Variants in HORMAD1 observed in about 807,000 individuals in gnomAD.
HORMAD1 encodes HORMA domain-containing protein 1.
HORMAD1 carries 33 observed loss-of-function variants against 58.2 expected under a neutral mutation model. The ratio of observed to expected loss-of-function variants is 0.57; its 90% CI spans 0.43 to 0.76. HORMAD1 has a LOEUF of 0.76. Ranked by LOEUF, HORMAD1 falls within the 30% of genes least tolerant of loss-of-function variation. The pLI is 0.00. For synonymous variants in HORMAD1, 137 were observed against 144.6 expected (o/e 0.95, Z 0.38); for missense variants, 363 against 462.0 (o/e 0.79, Z 1.96).
At chr1:150,717,748 G>A (rs11204712) in intron 2 of HORMAD1, among the ~76,000 whole-genome samples, 59,478 of 151,908 alleles carry the variant, frequency 0.39, 13,310 homozygotes, top group Non-Finnish European at 0.5. Context: ...CTGGCCAAAT[G>A]GTGAAACCCT....
intron 6 of HORMAD1, 97 bp downstream of exon 6, chr1:150,711,736 A>G: frequency 1.1e-6 from 1 of 948,460 alleles, no homozygotes; most frequent in Non-Finnish European, 1.7e-6. Flanking sequence ...TATTTGAATA[A>G]TGTGACATAA....
In HORMAD1 at chr1:150,711,867, A is replaced by C; in HGVS notation, c.280-14T>G. 6.5e-7 allele frequency: 1 copy of C among 1,537,868 alleles called. No homozygotes were observed. Among genetic ancestry groups the C allele is most frequent in the African/African-American group, 1.4e-5 (1 of 73,380 alleles). On this transcript the variant is annotated splice_polypyrimidine_tract_variant and intron_variant, in intron 5 of 14. Transcript: ENST00000361824. ...AACCATCCTTAGCTGAAATACAACA[A>C]AGAACAAAAATCTTACTTGTAGTCT...
intron 2 of HORMAD1, 21 bp from the exon 3 acceptor site, chr1:150,717,303 G>A (rs1483794550): frequency 7.1e-7 from 1 of 1,413,970 alleles, no homozygotes; most frequent in Non-Finnish European, 9.5e-7. Flanking sequence ...AGGGAAAGTA[G>A]AACACTTTAT....
At position 150,704,423 on chromosome 1, in the gene HORMAD1, A is replaced by T. The variant is rs943529781; in HGVS notation, c.805-80T>A. 3.0e-5 allele frequency: 27 copies of T among 907,226 alleles called. 1 individual carries two copies. In the South Asian group the frequency reaches 3.5e-4, roughly 12 times the overall value. The allele number at this position is 907,226 out of a possible 1,614,324, so 56.2% of individuals were successfully genotyped here. A position where few individuals can be genotyped will look rare whatever the true frequency, so the allele number is the denominator to read the frequency against. ...ACTGAGCAGAAAGCATTTATGAACA[A>T]ATTTGTTTCATGTGAAGGCTAAATA... On this transcript the variant is annotated intron_variant, in intron 10 of 14. Transcript: ENST00000361824.
chr1:150,709,782 C>G (rs1434060063), intron 7 of HORMAD1, among the ~76,000 whole-genome samples: 3 of 151,760 alleles, frequency 2.0e-5, no homozygotes, highest in East Asian at 3.9e-4. Flanking sequence ...TGAGATAGGA[C>G]AAAAACCGCC....
intron 2 of HORMAD1, among the ~76,000 whole-genome samples, chr1:150,718,866 A>G (rs1408780151): frequency 6.6e-6 from 1 of 152,228 alleles, no homozygotes; most frequent in Non-Finnish European, 1.5e-5. Flanking sequence ...GCTATGAACA[A>G]TAATTTCATC....
At position 150,706,737 on chromosome 1, in the gene HORMAD1, G is replaced by T; in HGVS notation, c.620C>A (p.Pro207His). The change falls in exon 10 of 15, where the codon CCT becomes CAT. Residue 207 changes from proline (P) to histidine (H), a missense_variant. By Grantham distance (77) the Pro-to-His change is moderately conservative. Transcript: ENST00000361824. ...GACTTCTCCCACATTTAAATACATAGGTTCCCCTTCAAATATAACTCCTTC... is the reference window on the plus strand; with the variant it reads ...GACTTCTCCCACATTTAAATACATATGTTCCCCTTCAAATATAACTCCTTC... Reference protein sequence around the residue: ...DCEGVIFEGEPMYLNVGEVST... With the variant: ...DCEGVIFEGEHMYLNVGEVST... 1 of 1,613,142 alleles carries T rather than the reference G, an allele frequency of 6.2e-7. No homozygotes were observed. Among genetic ancestry groups the T allele is most frequent in the Non-Finnish European group, 8.5e-7 (1 of 1,179,390 alleles).
Position 150,703,359 on chromosome 1 carries a change from T to A in HORMAD1, c.983A>T (p.Asp328Val), listed in dbSNP as rs1372993547. Residue 328 changes from aspartate to valine, a missense_variant, in exon 13 of 15, where the codon GAT becomes GTT. Around this residue, in one of 3 missense-constraint regions of HORMAD1, gnomAD observed 226 missense variants for 257.8 expected, o/e 0.88. Transcript: ENST00000361824. ...ACTTCTTGTTTTGCTTTCAGACATA[T>A]CAAGTTCAGATGTTTTATTGACTAA... ...EQLVNKTSELDMSESKTRSGK... is the reference protein window; with the variant it reads ...EQLVNKTSELVMSESKTRSGK... 1.3e-6 allele frequency: 2 copies of A among 1,581,856 alleles called. No homozygotes were observed. The highest frequency in any genetic ancestry group is 8.6e-7 in the Non-Finnish European group (1 of 1,158,290).
intron 9 of HORMAD1, among the ~76,000 whole-genome samples, chr1:150,707,632 G>A (rs1651735251): frequency 6.6e-6 from 1 of 152,066 alleles, no homozygotes; most frequent in African/African-American, 2.4e-5. Flanking sequence ...ACAGTCCCTC[G>A]CGTGTACAAA....
At chr1:150,716,150 C>CTTTTTTTT (rs752800084) in intron 3 of HORMAD1, among the ~76,000 whole-genome samples, 3 of 68,774 alleles carry the variant, frequency 4.4e-5, no homozygotes, top group African/African-American at 6.7e-5. Flanking sequence ...CAAAGGACCA[C>CTTTTTTTT]TTTTTTTTTT....
At chr1:150,714,525 A>C (rs1652009336) in intron 4 of HORMAD1, 90 bp downstream of exon 4, 3 of 558,584 alleles carry the variant, frequency 5.4e-6, no homozygotes, top group Non-Finnish European at 9.0e-6. Context: ...ATTCACTAAA[A>C]TTTGGTTAAA....
intron 12 of HORMAD1, among the ~76,000 whole-genome samples, chr1:150,703,910 T>G (rs1385917080): frequency 6.6e-6 from 1 of 152,214 alleles, no homozygotes; most frequent in Non-Finnish European, 1.5e-5. Context: ...ACCAATAGTA[T>G]TTAGGTTTAT....
rs778492014 is a variant in HORMAD1, at chr1:150,701,979, G to C, written c.1032+1331C>G. The C allele has an allele frequency of 9.9e-5, 15 of 152,276 alleles. 1 individual carries two copies. In the Middle Eastern group the frequency reaches 0.014, roughly 138 times the overall value. The allele number at this position is 152,276 out of a possible 1,614,324, so 9.4% of individuals were successfully genotyped here. ...TGAAGCATTCCATATTTTTCAGAGTGAACAGAGAACCTACAGAATGGGAGA... is the reference window on the plus strand; with the variant it reads ...TGAAGCATTCCATATTTTTCAGAGTCAACAGAGAACCTACAGAATGGGAGA... On this transcript the variant is annotated intron_variant, in intron 13 of 14. Coordinates refer to ENST00000361824, the MANE Select transcript of HORMAD1 (RefSeq NM_032132.5).
At chr1:150,711,738 G>T in intron 6 of HORMAD1, 95 bp downstream of exon 6, 1 of 951,596 alleles carries the variant, frequency 1.1e-6, no homozygotes, top group Non-Finnish European at 1.7e-6. Flanking sequence ...TTTGAATAAT[G>T]TGACATAATC....
At chr1:150,711,244 G>A (rs1651893642) in intron 7 of HORMAD1, among the ~76,000 whole-genome samples, 1 of 152,098 alleles carries the variant, frequency 6.6e-6, no homozygotes. Flanking sequence ...ATTCTAAAAT[G>A]TAGTATAAAA....
Position 150,711,856 on chromosome 1 carries a change from GA to G in HORMAD1, c.280-4del. On this transcript the variant is annotated splice_polypyrimidine_tract_variant and splice_region_variant and intron_variant, in intron 5 of 14. Coordinates refer to ENST00000361824, the MANE Select transcript of HORMAD1 (RefSeq NM_032132.5). ...ACAGCTAGAACAACCATCCTTAGCT[GA>G]AATACAACAAAGAACAAAAATCTTA... 6.4e-7 allele frequency: 1 copy of G among 1,569,468 alleles called. No individual in the cohort carries two copies. Among genetic ancestry groups the G allele is most frequent in the Non-Finnish European group, 8.7e-7 (1 of 1,143,948 alleles).
chr1:150,698,390 G>GT lies in HORMAD1; in HGVS notation c.*263dup. ...AGTATATATTTAAAGGAAATATTAA[G>GT]TAGGTAATGAACAAAATCAATTTTG... On this transcript the variant is annotated 3_prime_UTR_variant, in exon 15 of 15. Coordinates refer to ENST00000361824, the MANE Select transcript of HORMAD1 (RefSeq NM_032132.5). The GT allele has an allele frequency of 4.2e-6, 1 of 235,796 alleles. No individual in the cohort carries two copies. 14.6% of individuals were successfully genotyped at this position (235,796 alleles called of 1,614,324 possible). A position where few individuals can be genotyped will look rare whatever the true frequency, so the allele number is the denominator to read the frequency against.
At chr1:150,706,369 A>G (rs1363666171) in intron 10 of HORMAD1, among the ~76,000 whole-genome samples, 184 bp downstream of exon 10, 1 of 152,188 alleles carries the variant, frequency 6.6e-6, no homozygotes, top group Non-Finnish European at 1.5e-5. Context: ...TTCTAGTACA[A>G]TGTTGTTTGG....
intron 9 of HORMAD1, 93 bp from the exon 10 acceptor site, chr1:150,706,902 A>C (rs1042120575): frequency 9.3e-7 from 1 of 1,071,400 alleles, no homozygotes; most frequent in South Asian, 1.8e-5. Context: ...AGGTATTTCA[A>C]ATAGTATATA....
Sources: gnomAD v4.1 joint callset for allele counts (sites outside exome capture counted in the v4.1 genomes callset) on GRCh38, gnomAD v4.1.1 for gene constraint, gnomAD v4.1.1 regional missense constraint, MANE v1.5 for transcripts, NCBI Gene and HGNC (gene_info 2026-07-23, HGNC 2026-07-21) for gene names.